Variants in STAB2 observed in about 807,000 individuals in gnomAD.
STAB2 encodes stabilin 2.
Under a neutral mutation model 338.1 loss-of-function variants are expected in STAB2, and 288 were observed. The ratio of observed to expected loss-of-function variants is 0.85; its 90% CI spans 0.77 to 0.94. The LOEUF (loss-of-function observed/expected upper bound fraction) is 0.94. Ranked by LOEUF, STAB2 falls within the 40% of genes least tolerant of loss-of-function variation. The pLI, the probability that STAB2 is intolerant of heterozygous loss-of-function variation, is 0.00. For synonymous variants in STAB2, 1,202 were observed against 1,193.3 expected (o/e 1.01, Z -0.15); for missense variants, 3,141 against 3,210.1 (o/e 0.98, Z 0.52).
At chr12:103,681,144 G>T (rs1262787346) in intron 25 of STAB2, among the ~76,000 whole-genome samples, 1 of 152,234 alleles carries the variant, frequency 6.6e-6, no homozygotes, top group African/African-American at 2.4e-5. Flanking sequence ...AGCAGAGCCT[G>T]CTCATGGGTC....
chr12:103,739,038 C>T (rs1882369065), intron 53 of STAB2, among the ~76,000 whole-genome samples: 1 of 152,144 alleles, frequency 6.6e-6, no homozygotes, highest in South Asian at 2.1e-4. Flanking sequence ...TTCAGTGGTG[C>T]AATCACAGCT....
chr12:103,753,275 C>A lies in STAB2; in HGVS notation c.6636C>A (p.Thr2212=). 1.2e-6 allele frequency: 2 copies of A among 1,614,248 alleles called. No homozygotes were observed. The highest frequency in any genetic ancestry group is 1.7e-6 in the Non-Finnish European group (2 of 1,180,042). The change falls in exon 61 of 69, where the codon ACC becomes ACA. Residue 2212 remains threonine, a synonymous_variant. Transcript: ENST00000388887. ...LRSPLGQYKL[T]FDKAREACAN... ...CCCCACTGGGCCAGTATAAGCTGAC[C>A]TTTGACAAAGCCAGAGAGGCCTGTG...
At chr12:103,675,579 G>T (rs184426284) in intron 23 of STAB2, among the ~76,000 whole-genome samples, 1 of 152,260 alleles carries the variant, frequency 6.6e-6, no homozygotes, top group African/African-American at 2.4e-5. Flanking sequence ...TGAGATTTAT[G>T]ATCTGCAAGC....
intron 8 of STAB2, 31 bp from the exon 9 acceptor site, chr12:103,640,092 C>A: frequency 6.3e-7 from 1 of 1,575,022 alleles, no homozygotes; most frequent in Non-Finnish European, 8.6e-7. Context: ...AACTAGGATC[C>A]TATTTGTTTT....
chr12:103,600,269 G>C (rs952090002), intron 3 of STAB2, among the ~76,000 whole-genome samples: 2 of 152,104 alleles, frequency 1.3e-5, no homozygotes, highest in Non-Finnish European at 2.9e-5. Context: ...TCTCATGATT[G>C]TCTGCCTTTC....
chr12:103,736,366 C>T (rs1486108220), intron 52 of STAB2, among the ~76,000 whole-genome samples: 1 of 152,172 alleles, frequency 6.6e-6, no homozygotes, highest in East Asian at 1.9e-4. Flanking sequence ...AAGGAGGATT[C>T]CAACAAGTTC....
intron 52 of STAB2, among the ~76,000 whole-genome samples, chr12:103,737,355 T>C (rs1355359465): frequency 6.6e-6 from 1 of 152,220 alleles, no homozygotes; most frequent in African/African-American, 2.4e-5. Flanking sequence ...TGGGTACTAA[T>C]AATAATAGCT....
intron 22 of STAB2, among the ~76,000 whole-genome samples, chr12:103,673,435 C>A (rs765422921): frequency 6.6e-5 from 10 of 152,096 alleles, no homozygotes; most frequent in Non-Finnish European, 1.3e-4. Flanking sequence ...TAGCTTCAAC[C>A]TCCTGGGCTC....
chr12:103,647,690 A>T (rs1286683338), intron 9 of STAB2, among the ~76,000 whole-genome samples: 1 of 152,214 alleles, frequency 6.6e-6, no homozygotes, highest in Non-Finnish European at 1.5e-5. Flanking sequence ...ATTGGTCAAG[A>T]TTGGCATATT....
In STAB2 at chr12:103,690,764, C is replaced by G. The variant is rs187683676; in HGVS notation, c.3297+226C>G. ...GATCCTCTAAAATGTGGCCTTCTGC[C>G]CACTGATTGGCCACAAGTCTTGCAA... is the stretch of plus-strand genomic sequence containing the variant. On this transcript the variant is annotated intron_variant, in intron 30 of 68. Transcript: ENST00000388887. Among the ~76,000 whole-genome samples, 17 of 152,264 alleles carry G rather than the reference C, an allele frequency of 1.1e-4. No individual in the cohort carries two copies. In the East Asian group the frequency reaches 3.3e-3, roughly 29 times the overall value.
At chr12:103,730,978 A>G (rs1251841372) in intron 49 of STAB2, among the ~76,000 whole-genome samples, 1 of 152,192 alleles carries the variant, frequency 6.6e-6, no homozygotes, top group African/African-American at 2.4e-5. Flanking sequence ...TCATCCCAGG[A>G]TCAGATGCTT....
At chr12:103,712,788 A>C (rs2139008385) in intron 41 of STAB2, among the ~76,000 whole-genome samples, 1 of 152,348 alleles carries the variant, frequency 6.6e-6, no homozygotes, top group South Asian at 2.1e-4. Flanking sequence ...TGTCCATTAA[A>C]AAAGAATTTA....
Position 103,660,878 on chromosome 12 carries a change from T to C in STAB2, c.1869+115T>C, listed in dbSNP as rs1874551932. The C allele has an allele frequency of 2.6e-6, 3 of 1,155,884 alleles. No homozygotes were observed. The African/African-American group carries it at 4.6e-5, about 18-fold the overall frequency. The allele number at this position is 1,155,884 out of a possible 1,614,324, so 71.6% of individuals were successfully genotyped here. A position where few individuals can be genotyped will look rare whatever the true frequency, so the allele number is the denominator to read the frequency against. ...ACTCATGGGCTTAAAATCTTTATGATTATTTCATTCATTTGCTCACTTCTC... is the reference window on the plus strand; with the variant it reads ...ACTCATGGGCTTAAAATCTTTATGACTATTTCATTCATTTGCTCACTTCTC... On this transcript the variant is annotated intron_variant, in intron 17 of 68. Coordinates refer to ENST00000388887, the MANE Select transcript of STAB2 (RefSeq NM_017564.10).
intron 44 of STAB2, among the ~76,000 whole-genome samples, chr12:103,723,531 A>T (rs1376930457): frequency 6.6e-6 from 1 of 152,246 alleles, no homozygotes; most frequent in African/African-American, 2.4e-5. Flanking sequence ...AACACAGGCA[A>T]ACCGTAACAT....
rs1874754445 is a variant in STAB2 at position 103,662,978 on chromosome 12, A to T, written c.2002A>T (p.Thr668Ser). 4.3e-6 allele frequency: 7 copies of T among 1,614,016 alleles called. No individual in the cohort carries two copies. The highest frequency in any genetic ancestry group is 5.9e-6 in the Non-Finnish European group (7 of 1,180,014). ...VPILPHRCDETKREMKLGTCV... is the reference protein window; with the variant it reads ...VPILPHRCDESKREMKLGTCV... ...GATTCTGCCCCATCGATGTGATGAA[A>T]CAAAGAGAGAGATGAAACTGGTAAG... Residue 668 changes from threonine to serine, a missense_variant, in exon 18 of 69, where the codon ACA becomes TCA. Transcript: ENST00000388887.
At chr12:103,746,549 A>T in intron 57 of STAB2, 48 bp from the exon 58 acceptor site, 4 of 1,587,264 alleles carry the variant, frequency 2.5e-6, no homozygotes, top group Non-Finnish European at 2.6e-6. Flanking sequence ...ATGGGTTTTA[A>T]CTCTTCACAC....
At position 103,687,668 on chromosome 12, in the gene STAB2, T is replaced by C. The variant is rs944577754; in HGVS notation, c.2998-500T>C. The stretch of plus-strand genomic sequence containing the variant: ...AAACTGTGAGTTGGAGCTTTTATTA[T>C]GCCCATTTTACAGATAAGAAAATTG... On this transcript the variant is annotated intron_variant, in intron 27 of 68. Transcript: ENST00000388887. Among the ~76,000 whole-genome samples, 3 of 152,352 alleles carry C rather than the reference T, an allele frequency of 2.0e-5. No individual in the cohort carries two copies. In the East Asian group the frequency reaches 5.8e-4, roughly 29 times the overall value.
chr12:103,607,984 C>A (rs1957059173), intron 3 of STAB2, among the ~76,000 whole-genome samples: 1 of 152,204 alleles, frequency 6.6e-6, no homozygotes, highest in Non-Finnish European at 1.5e-5. Context: ...AATGGTTGAA[C>A]TAGTTTACAG....
chr12:103,743,951 T>C (rs548076324), intron 56 of STAB2, among the ~76,000 whole-genome samples: 224 of 152,182 alleles, frequency 1.5e-3, no homozygotes, highest in Non-Finnish European at 2.8e-3. Context: ...CAGCAAAGGG[T>C]TGTGAACAGA....
Sources: allele counts gnomAD v4.1 joint callset (sites outside exome capture counted in the v4.1 genomes callset), GRCh38; gene constraint gnomAD v4.1.1; transcripts MANE v1.5; gene names NCBI Gene and HGNC (gene_info 2026-07-23, HGNC 2026-07-21).